LINGO2: variants seen among roughly 807,000 people sequenced by gnomAD.
LINGO2 encodes the protein leucine-rich repeat and immunoglobulin-like domain-containing nogo receptor-interacting protein 2.
A neutral mutation model predicts 30.6 loss-of-function variants in LINGO2; 14 were observed. That is an observed-to-expected ratio of 0.46 (90% confidence interval 0.30 to 0.72). LINGO2 has a LOEUF of 0.72. Among genes scored for constraint, LINGO2 ranks in the 30% least tolerant of loss-of-function variants. The pLI is 0.07. For synonymous variants in LINGO2, 317 were observed against 288.5 expected, an observed-to-expected ratio of 1.10 and a Z score of -1.00; for missense variants, 729 against 751.7, an observed-to-expected ratio of 0.97 and a Z score of 0.35.
intron 4 of LINGO2, among the ~76,000 whole-genome samples, chr9:28,103,490 C>T (rs1826476647): frequency 1.3e-5 from 2 of 152,090 alleles, no homozygotes; most frequent in Admixed American, 6.6e-5. Flanking sequence ...ATGAACAAGC[C>T]CAGGTTAGCT....
At chr9:29,159,046 G>A in the LINGO2 span, among the ~76,000 whole-genome samples, 4 of 151,968 alleles carry the variant, frequency 2.6e-5, no homozygotes, top group South Asian at 2.1e-4. Flanking sequence ...GGGCTTGTTC[G>A]ACTCTGAGCT....
the LINGO2 span, among the ~76,000 whole-genome samples, chr9:28,843,403 GT>G: frequency 6.6e-6 from 1 of 151,640 alleles, no homozygotes; most frequent in African/African-American, 2.4e-5. Flanking sequence ...TACTTTTCTT[GT>G]ATAGAGGCTT....
the LINGO2 span, among the ~76,000 whole-genome samples, chr9:28,745,120 A>T: frequency 6.6e-6 from 1 of 152,018 alleles, no homozygotes; most frequent in South Asian, 2.1e-4. Flanking sequence ...TCCTTCTAGG[A>T]TTACTCCTGA....
chr9:28,760,222 A>T, the LINGO2 span, among the ~76,000 whole-genome samples: 3 of 151,974 alleles, frequency 2.0e-5, no homozygotes, highest in African/African-American at 7.3e-5. Context: ...AAAATGAAAT[A>T]AATAATTTCT....
chr9:28,784,032 C>G, the LINGO2 span, among the ~76,000 whole-genome samples: 3 of 152,162 alleles, frequency 2.0e-5, no homozygotes, highest in African/African-American at 7.2e-5. Flanking sequence ...CCGCTGAACA[C>G]CATCTCATTC....
the LINGO2 span, among the ~76,000 whole-genome samples, chr9:28,838,291 A>ATTCAT: frequency 6.6e-6 from 1 of 152,278 alleles, no homozygotes; most frequent in Non-Finnish European, 1.5e-5. Context: ...AACCAGTGCC[A>ATTCAT]TTCATTTCAT....
chr9:28,197,803 A>G (rs1334925659), intron 4 of LINGO2, among the ~76,000 whole-genome samples: 1 of 151,978 alleles, frequency 6.6e-6, no homozygotes, highest in African/African-American at 2.4e-5. Context: ...GATTCATACC[A>G]CAAAGGTTAA....
At chr9:28,777,190 G>C in the LINGO2 span, among the ~76,000 whole-genome samples, 874 of 152,180 alleles carry the variant, frequency 5.7e-3, 11 homozygotes, top group African/African-American at 0.02. Flanking sequence ...AAATGACCCA[G>C]TCTCGGGTAG....
chr9:28,701,269 C>A, the LINGO2 span, among the ~76,000 whole-genome samples: 1 of 151,854 alleles, frequency 6.6e-6, no homozygotes, highest in African/African-American at 2.4e-5. Context: ...ATGTTATCTT[C>A]TAGGATTTTT....
chr9:28,788,495 A>G, the LINGO2 span, among the ~76,000 whole-genome samples: 2 of 152,178 alleles, frequency 1.3e-5, no homozygotes, highest in African/African-American at 2.4e-5. Context: ...GGTATTTGAG[A>G]GCGAACCACA....
the LINGO2 span, among the ~76,000 whole-genome samples, chr9:28,964,310 T>A: frequency 6.6e-6 from 1 of 151,850 alleles, no homozygotes; most frequent in Non-Finnish European, 1.5e-5. Flanking sequence ...CTGTGGATGA[T>A]AGAGGAAATA....
chr9:29,161,809 A>G, the LINGO2 span, among the ~76,000 whole-genome samples: 25 of 152,324 alleles, frequency 1.6e-4, no homozygotes, highest in African/African-American at 5.5e-4. Context: ...AAAAACTATA[A>G]GGGTTTTACT....
At chr9:27,998,187 G>A (rs1302859963) in intron 5 of LINGO2, among the ~76,000 whole-genome samples, 1 of 152,118 alleles carries the variant, frequency 6.6e-6, no homozygotes, top group Non-Finnish European at 1.5e-5. Context: ...AGAATGTAGA[G>A]AAATGGAGAA....
intron 4 of LINGO2, among the ~76,000 whole-genome samples, chr9:28,156,458 A>G (rs2133577192): frequency 6.6e-6 from 1 of 152,348 alleles, no homozygotes; most frequent in Non-Finnish European, 1.5e-5. Flanking sequence ...ATCCAATCTT[A>G]TGACACAGGG....
At chr9:28,481,818 T>C (rs978759633) in intron 1 of LINGO2, among the ~76,000 whole-genome samples, 124 of 147,542 alleles carry the variant, frequency 8.4e-4, no homozygotes, top group Non-Finnish European at 1.5e-3. Flanking sequence ...GTTCCCCTTC[T>C]TGTGTCCATG....
At chr9:28,836,562 C>T in the LINGO2 span, among the ~76,000 whole-genome samples, 10 of 152,054 alleles carry the variant, frequency 6.6e-5, no homozygotes, top group African/African-American at 1.4e-4. Flanking sequence ...GTGATCCACC[C>T]GCCTCAACTT....
At chr9:28,755,346 G>A in the LINGO2 span, among the ~76,000 whole-genome samples, 2 of 151,994 alleles carry the variant, frequency 1.3e-5, no homozygotes, top group Non-Finnish European at 1.5e-5. Context: ...CTAGCTCTGC[G>A]GCCTTGAGCA....
the LINGO2 span, among the ~76,000 whole-genome samples, chr9:29,053,214 A>T: frequency 6.6e-6 from 1 of 152,168 alleles, no homozygotes. Context: ...TGATAATCTT[A>T]ATACACTTGT....
At chr9:28,891,803 G>T in the LINGO2 span, among the ~76,000 whole-genome samples, 1 of 151,812 alleles carries the variant, frequency 6.6e-6, no homozygotes, top group Non-Finnish European at 1.5e-5. Context: ...AAAGAAAATG[G>T]TCAAAGTCAC....
Sources: gnomAD v4.1 joint callset for allele counts (sites outside exome capture counted in the v4.1 genomes callset) on GRCh38, gnomAD v4.1.1 for gene constraint, MANE v1.5 for transcripts, NCBI Gene and HGNC (gene_info 2026-07-23, HGNC 2026-07-21) for gene names.